The following RANBP17 variants were observed in gnomAD, a reference collection of about 807,000 sequenced individuals.
RANBP17 encodes RAN binding protein 17.
RANBP17 carries 158 observed loss-of-function variants against 141.2 expected under a neutral mutation model. That is an observed-to-expected ratio of 1.12 (90% confidence interval 0.98 to 1.28). RANBP17 has a LOEUF of 1.28. Among genes scored for constraint, RANBP17 ranks in the 50% most tolerant of loss-of-function variants. The probability of loss-of-function intolerance (pLI) is 0.00; values close to 1 mark genes in which losing one functional copy is unlikely to be tolerated. For missense variants in RANBP17, 1,438 were observed against 1,290.7 expected (o/e 1.11, Z -1.75); for synonymous variants, 430 against 450.0 (o/e 0.96, Z 0.56).
In RANBP17 at chr5:170,970,149, TC is replaced by T. The variant is rs1776879419; in HGVS notation, c.1710+1773del. On this transcript the variant is annotated intron_variant, in intron 14 of 27. Transcript: ENST00000523189. ...ATTTTACTAATGAAAGAACAGACTC[TC>T]TAAGACATTTCGTAAGTACTATATA... 2.0e-5 allele frequency among the ~76,000 whole-genome samples: 3 copies of T among 151,954 alleles called. No homozygotes were observed. In the South Asian group the frequency reaches 6.2e-4, roughly 32 times the overall value.
At chr5:170,953,781 A>G (rs747314297) in intron 13 of RANBP17, 79 bp downstream of exon 13, 6 of 918,768 alleles carry the variant, frequency 6.5e-6, no homozygotes, top group Non-Finnish European at 1.0e-5. Flanking sequence ...ATTATGAGTG[A>G]AGACATTTTG....
chr5:171,060,587 G>A (rs1245519471), intron 14 of RANBP17, among the ~76,000 whole-genome samples: 1 of 152,142 alleles, frequency 6.6e-6, no homozygotes, highest in East Asian at 1.9e-4. Context: ...GAGGATTTTT[G>A]TATCAATGTT....
chr5:171,102,666 G>A (rs1259927402), intron 14 of RANBP17, among the ~76,000 whole-genome samples: 2 of 152,072 alleles, frequency 1.3e-5, no homozygotes, highest in African/African-American at 4.8e-5. Context: ...CTTTGGAAGA[G>A]AAGAGGCATT....
At chr5:171,142,729 T>C (rs555160740) in intron 14 of RANBP17, among the ~76,000 whole-genome samples, 1 of 152,300 alleles carries the variant, frequency 6.6e-6, no homozygotes, top group South Asian at 2.1e-4. Context: ...AGGCCTACCA[T>C]GTACCAGTAT....
intron 7 of RANBP17, among the ~76,000 whole-genome samples, chr5:170,912,510 G>A (rs1364261205): frequency 6.6e-6 from 1 of 151,858 alleles, no homozygotes; most frequent in Non-Finnish European, 1.5e-5. Context: ...ACTTCAGAAA[G>A]ATATAAAGAA....
intron 5 of RANBP17, chr5:170,897,426 C>CT (rs1770230424): frequency 2.1e-5 from 8 of 388,120 alleles, no homozygotes; most frequent in Middle Eastern, 8.4e-4. Context: ...CATTGTTATA[C>CT]TTTAAGTTCT....
intron 14 of RANBP17, among the ~76,000 whole-genome samples, chr5:171,147,902 A>T (rs1346536744): frequency 6.6e-6 from 1 of 152,158 alleles, no homozygotes; most frequent in East Asian, 1.9e-4. Context: ...CCAACAGCTC[A>T]TTGAGAACGG....
At chr5:171,225,943 G>T (rs1763855191) in intron 22 of RANBP17, among the ~76,000 whole-genome samples, 1 of 152,162 alleles carries the variant, frequency 6.6e-6, no homozygotes, top group Admixed American at 6.5e-5. Flanking sequence ...CAGCAATGAG[G>T]TTAGCCACAG....
chr5:171,105,103 C>A (rs1754696402), intron 14 of RANBP17, among the ~76,000 whole-genome samples: 1 of 151,930 alleles, frequency 6.6e-6, no homozygotes. Flanking sequence ...AATTTTCCAG[C>A]CGGGCGCGGT....
At chr5:171,037,798 A>G (rs1250036522) in intron 14 of RANBP17, among the ~76,000 whole-genome samples, 1 of 152,134 alleles carries the variant, frequency 6.6e-6, no homozygotes, top group Non-Finnish European at 1.5e-5. Flanking sequence ...TTGTACCATT[A>G]ACATGCTGTT....
Position 170,916,490 on chromosome 5 carries a change from C to G in RANBP17, c.860C>G (p.Ala287Gly), listed in dbSNP as rs761796418. 1.3e-6 allele frequency: 2 copies of G among 1,568,572 alleles called. No individual in the cohort carries two copies. ...QLALSCLVQF[A>G]STRRSLFNSP... ...GCACTTTCATGTTTAGTTCAGTTTGCTTCGACAAGAAGGTCCTTATTTAAC... is the reference window on the plus strand; with the variant it reads ...GCACTTTCATGTTTAGTTCAGTTTGGTTCGACAAGAAGGTCCTTATTTAAC... Residue 287 changes from alanine (A) to glycine (G), a missense_variant, in exon 9 of 28, where the codon GCT becomes GGT. Ala to Gly is a moderately conservative substitution (Grantham distance 60). Coordinates refer to ENST00000523189, the MANE Select transcript of RANBP17 (RefSeq NM_022897.5).
At chr5:170,873,177 C>T (rs1402979424) in intron 1 of RANBP17, among the ~76,000 whole-genome samples, 1 of 152,180 alleles carries the variant, frequency 6.6e-6, no homozygotes, top group African/African-American at 2.4e-5. Context: ...TCTCTAAGGG[C>T]TGGGATTACA....
chr5:171,046,987 G>A (rs1011802266), intron 14 of RANBP17, among the ~76,000 whole-genome samples: 2 of 150,374 alleles, frequency 1.3e-5, no homozygotes, highest in African/African-American at 4.9e-5. Flanking sequence ...TGGGATTGTA[G>A]GGCATCTCAT....
intron 20 of RANBP17, among the ~76,000 whole-genome samples, chr5:171,208,470 A>G (rs1362316490): frequency 6.6e-6 from 1 of 152,206 alleles, no homozygotes; most frequent in Non-Finnish European, 1.5e-5. Context: ...CTTGTTTAAA[A>G]TTTTCCTAGA....
chr5:171,252,004 G>T (rs1273372257), intron 24 of RANBP17: 15 of 1,608,860 alleles, frequency 9.3e-6, no homozygotes, highest in Non-Finnish European at 1.3e-5. Flanking sequence ...TCCATTTCGG[G>T]AAACAGTTCT....
At chr5:170,982,072 A>G (rs1777814394) in intron 14 of RANBP17, among the ~76,000 whole-genome samples, 1 of 152,228 alleles carries the variant, frequency 6.6e-6, no homozygotes, top group African/African-American at 2.4e-5. Flanking sequence ...TCTAGGGGAT[A>G]AGAATAAGAC....
intron 12 of RANBP17, among the ~76,000 whole-genome samples, chr5:170,925,330 C>T (rs981797095): frequency 1.3e-5 from 2 of 152,016 alleles, no homozygotes; most frequent in East Asian, 1.9e-4. Flanking sequence ...GTCCATCTTG[C>T]GTTAAGTCAC....
chr5:171,291,575 C>T (rs908973275), intron 25 of RANBP17, among the ~76,000 whole-genome samples: 4 of 152,110 alleles, frequency 2.6e-5, no homozygotes, highest in Admixed American at 6.5e-5. Flanking sequence ...GTATTTGTGT[C>T]GTTAACCACA....
intron 1 of RANBP17, among the ~76,000 whole-genome samples, chr5:170,869,817 G>C (rs184989813): frequency 1.3e-5 from 2 of 152,206 alleles, no homozygotes; most frequent in East Asian, 3.9e-4. Flanking sequence ...TACTGGAGTT[G>C]GGAGATGGAC....
Sources: allele counts gnomAD v4.1 joint callset (sites outside exome capture counted in the v4.1 genomes callset), GRCh38; gene constraint gnomAD v4.1.1; transcripts MANE v1.5; gene names NCBI Gene and HGNC (gene_info 2026-07-23, HGNC 2026-07-21).